The following THEMIS variants were observed in gnomAD, a reference collection of about 807,000 sequenced individuals.
The protein encoded by THEMIS is protein THEMIS.
A neutral mutation model predicts 52.6 loss-of-function variants in THEMIS; 37 were observed. The observed-to-expected ratio is 0.70, with a 90% CI of 0.54 to 0.93. THEMIS has a LOEUF of 0.93. THEMIS is among the 40% of genes least tolerant of loss of function. The probability of loss-of-function intolerance (pLI) is 0.00; values close to 1 mark genes in which losing one functional copy is unlikely to be tolerated. For missense variants in THEMIS, 808 were observed against 763.1 expected (o/e 1.06, Z -0.69); for synonymous variants, 292 against 272.7 (o/e 1.07, Z -0.70).
At chr6:127,711,161 A>G (rs1219467063) in intron 5 of THEMIS, among the ~76,000 whole-genome samples, 1 of 151,678 alleles carries the variant, frequency 6.6e-6, no homozygotes, top group African/African-American at 2.4e-5. Context: ...TAGGTTACTA[A>G]CCTTTATATG....
chr6:127,818,981 A>G (rs1483516778), intron 3 of THEMIS, among the ~76,000 whole-genome samples: 1 of 151,746 alleles, frequency 6.6e-6, no homozygotes, highest in African/African-American at 2.4e-5. Context: ...AGCCAGGCGC[A>G]TGGTGGCATG....
downstream of THEMIS, among the ~76,000 whole-genome samples, chr6:127,704,341 T>C (rs1175257748): frequency 6.6e-6 from 1 of 152,130 alleles, no homozygotes; most frequent in African/African-American, 2.4e-5. Context: ...GTCAAGTCTG[T>C]GGTTACAGCA....
intron 3 of THEMIS, among the ~76,000 whole-genome samples, chr6:127,821,493 C>A (rs1562280329): frequency 6.6e-6 from 1 of 152,012 alleles, no homozygotes; most frequent in Admixed American, 6.5e-5. Context: ...ATGAATTATC[C>A]TTGCTGGGTA....
At chr6:127,751,892 A>G (rs1041090126) in intron 4 of THEMIS, among the ~76,000 whole-genome samples, 2 of 151,696 alleles carry the variant, frequency 1.3e-5, no homozygotes, top group Non-Finnish European at 1.5e-5. Flanking sequence ...GCAGCAAAAT[A>G]TGTATTTTTC....
chr6:127,823,372 G>C lies in THEMIS; in HGVS notation c.709+6104C>G, dbSNP rs183050813. ...TACCATGAAGTTCATATTTTCCTTA[G>C]CTATTGAACTCATAAATATGTCATC... On this transcript the variant is annotated intron_variant, in intron 3 of 5. Coordinates refer to ENST00000368248, the MANE Select transcript of THEMIS (RefSeq NM_001010923.3). 1.7e-3 allele frequency among the ~76,000 whole-genome samples: 262 copies of C among 152,180 alleles called. 2 individuals carry two copies. Among genetic ancestry groups the C allele is most frequent in the African/African-American group, 6.0e-3 (250 of 41,490 alleles).
the THEMIS span, among the ~76,000 whole-genome samples, chr6:127,702,055 T>G: frequency 6.6e-6 from 1 of 152,120 alleles, no homozygotes; most frequent in South Asian, 2.1e-4. Context: ...TTTCTTAGAG[T>G]ATACCCTTTA....
At chr6:127,866,863 T>C (rs912777026) in intron 1 of THEMIS, among the ~76,000 whole-genome samples, 3 of 151,744 alleles carry the variant, frequency 2.0e-5, no homozygotes, top group Non-Finnish European at 4.4e-5. Flanking sequence ...CACACAAATA[T>C]ATAAAGAACA....
intron 4 of THEMIS, among the ~76,000 whole-genome samples, chr6:127,736,276 T>C (rs2114543984): frequency 6.6e-6 from 1 of 152,294 alleles, no homozygotes; most frequent in Admixed American, 6.5e-5. Context: ...GAGACAAATT[T>C]ATACTGAGAA....
intron 4 of THEMIS, among the ~76,000 whole-genome samples, chr6:127,805,176 T>C (rs1258239698): frequency 6.6e-6 from 1 of 152,084 alleles, no homozygotes; most frequent in African/African-American, 2.4e-5. Flanking sequence ...TAAAATCGTC[T>C]GTGTAATTGG....
intron 1 of THEMIS, among the ~76,000 whole-genome samples, chr6:127,917,329 A>T (rs77554970): frequency 6.6e-6 from 1 of 152,180 alleles, no homozygotes; most frequent in Non-Finnish European, 1.5e-5. Context: ...TTCTATATCA[A>T]TTAGGATCCT....
At position 127,719,678 on chromosome 6, in the gene THEMIS, A is replaced by C; in HGVS notation, c.1894+10T>G. On this transcript the variant is annotated intron_variant, in intron 5 of 5. Coordinates refer to ENST00000368248, the MANE Select transcript of THEMIS (RefSeq NM_001010923.3). ...ACCGTGGTTTAACTGACCTATAGTC[A>C]CATCAGTACCTGCTATTGCTGTGGC... is the stretch of plus-strand genomic sequence containing the variant. 1 of 1,601,126 alleles carries C rather than the reference A, an allele frequency of 6.2e-7. No homozygotes were observed. Among genetic ancestry groups the C allele is most frequent in the Non-Finnish European group, 8.5e-7 (1 of 1,174,734 alleles).
chr6:127,844,213 A>T (rs1017831729), intron 2 of THEMIS, among the ~76,000 whole-genome samples: 3 of 151,964 alleles, frequency 2.0e-5, no homozygotes, highest in African/African-American at 7.2e-5. Context: ...TTACTTGGTG[A>T]TTCTGTTTTC....
At chr6:127,800,997 G>A (rs750321290) in intron 4 of THEMIS, among the ~76,000 whole-genome samples, 1 of 152,126 alleles carries the variant, frequency 6.6e-6, no homozygotes, top group Non-Finnish European at 1.5e-5. Flanking sequence ...TGGTTTTGGG[G>A]TTTCTGGAGT....
intron 1 of THEMIS, among the ~76,000 whole-genome samples, chr6:127,859,868 C>A (rs1779738270): frequency 6.6e-6 from 1 of 152,064 alleles, no homozygotes; most frequent in Non-Finnish European, 1.5e-5. Flanking sequence ...AGAACCATAT[C>A]CACTGGGGTT....
At chr6:127,755,541 G>C (rs1209024350) in intron 4 of THEMIS, among the ~76,000 whole-genome samples, 1 of 151,888 alleles carries the variant, frequency 6.6e-6, no homozygotes, top group African/African-American at 2.4e-5. Flanking sequence ...TTTACTATAA[G>C]TTTTAATTCT....
intron 1 of THEMIS, among the ~76,000 whole-genome samples, chr6:127,855,600 AAG>A (rs1039086617): frequency 6.6e-6 from 1 of 151,922 alleles, no homozygotes; most frequent in Non-Finnish European, 1.5e-5. Flanking sequence ...GGAGATGAAA[AAG>A]AGGGTCTGCA....
intron 4 of THEMIS, among the ~76,000 whole-genome samples, chr6:127,784,282 G>A (rs1286896199): frequency 3.3e-5 from 5 of 152,132 alleles, no homozygotes. Context: ...AATACCTAAT[G>A]TAGATGATGG....
At chr6:127,837,664 A>G (rs1778916681) in intron 2 of THEMIS, among the ~76,000 whole-genome samples, 1 of 151,978 alleles carries the variant, frequency 6.6e-6, no homozygotes, top group Admixed American at 6.6e-5. Context: ...AAATTTTAAC[A>G]AATTTAAAAT....
chr6:127,708,251 A>T lies in THEMIS; in HGVS notation c.*1734T>A, dbSNP rs2114440967. 1 of 152,250 alleles carries T rather than the reference A, an allele frequency of 6.6e-6. No individual in the cohort carries two copies. Among genetic ancestry groups the T allele is most frequent in the African/African-American group, 2.4e-5 (1 of 41,562 alleles). The allele number at this position is 152,250 out of a possible 1,614,324, so 9.4% of individuals were successfully genotyped here. A position where few individuals can be genotyped will look rare whatever the true frequency, so the allele number is the denominator to read the frequency against. ...CTTCCCAAATCTCCAATAGGTGAGC[A>T]TGAAGTTTATTACACTTTTCAATAT... On this transcript the variant is annotated 3_prime_UTR_variant, in exon 6 of 6. Coordinates refer to ENST00000368248, the MANE Select transcript of THEMIS (RefSeq NM_001010923.3).
Sources: allele counts gnomAD v4.1 joint callset (sites outside exome capture counted in the v4.1 genomes callset), GRCh38; gene constraint gnomAD v4.1.1; transcripts MANE v1.5; gene names NCBI Gene and HGNC (gene_info 2026-07-23, HGNC 2026-07-21).